Variants in NLRP2 observed in about 807,000 individuals in gnomAD.
NLRP2 encodes the protein NLR family pyrin domain containing 2.
A neutral mutation model predicts 97.2 loss-of-function variants in NLRP2; 107 were observed. That is an observed-to-expected ratio of 1.10 (90% CI 0.94 to 1.29). The LOEUF is 1.29. NLRP2 is among the 50% of genes most tolerant of loss of function. The pLI is 0.00. For missense variants in NLRP2, 1,495 were observed against 1,330.3 expected (o/e 1.12, Z -1.93); for synonymous variants, 663 against 551.5 (o/e 1.20, Z -2.83).
chr19:54,997,203 C>A, intron 11 of NLRP2, 114 bp from the exon 12 acceptor site: 1 of 1,103,688 alleles, frequency 9.1e-7, no homozygotes, highest in Non-Finnish European at 1.4e-6. Flanking sequence ...CCGTGCCCGG[C>A]CTGAGACTTC....
chr19:54,994,551 T>C (rs1415678700), intron 11 of NLRP2, 112 bp downstream of exon 11: 4 of 1,088,756 alleles, frequency 3.7e-6, no homozygotes, highest in Non-Finnish European at 4.2e-6. Context: ...AGAGGACCTT[T>C]ATAGAGTCGA....
At chr19:54,980,093 A>G (rs187448863) in intron 4 of NLRP2, among the ~76,000 whole-genome samples, 4 of 151,176 alleles carry the variant, frequency 2.6e-5, no homozygotes, top group Non-Finnish European at 4.4e-5. Context: ...AATCTTGACA[A>G]AGAATTTCGG....
chr19:55,000,427 C>A (rs1421164187), intron 12 of NLRP2, among the ~76,000 whole-genome samples: 1 of 150,738 alleles, frequency 6.6e-6, no homozygotes, highest in Non-Finnish European at 1.5e-5. Flanking sequence ...CAGGCGTCCG[C>A]CACCACGCCC....
rs1469320123 is a variant in NLRP2, at chr19:54,977,823, G to A, written c.397G>A (p.Ala133Thr). The A allele has an allele frequency of 1.2e-6, 2 of 1,613,450 alleles. No homozygotes were observed. The highest frequency in any genetic ancestry group is 2.7e-5 in the African/African-American group (2 of 74,886). The change falls in exon 4 of 13, where the codon GCG becomes ACG. Residue 133 changes from alanine (A) to threonine (T), a missense_variant and splice_region_variant. By Grantham distance (58) the Ala-to-Thr change is moderately conservative. Transcript: ENST00000448584. ...GGAGCGCTTCAAAACAGAAGCACAAGGTGGGTGTCAGGACCTCCAATGTTG... is the reference window on the plus strand; with the variant it reads ...GGAGCGCTTCAAAACAGAAGCACAAAGTGGGTGTCAGGACCTCCAATGTTG... The part of the protein sequence containing the change: ...MLERFKTEAQ[A>T]FTETKGNVIC...
intron 11 of NLRP2, among the ~76,000 whole-genome samples, 190 bp downstream of exon 11, chr19:54,994,629 T>TC (rs2072706024): frequency 1.3e-5 from 2 of 151,912 alleles, no homozygotes; most frequent in Admixed American, 1.3e-4. Flanking sequence ...TTTTTTTTTT[T>TC]CTTGAAGTTT....
chr19:54,994,313 C>G lies in NLRP2; in HGVS notation c.2753C>G (p.Thr918Arg), dbSNP rs768542757. The G allele has an allele frequency of 3.1e-6, 5 of 1,614,152 alleles. No homozygotes were observed. In the Admixed American group the frequency reaches 6.7e-5, roughly 22 times the overall value. Residue 918 changes from threonine to arginine, a missense_variant, in exon 11 of 13, where the codon ACA becomes AGA. Transcript: ENST00000448584. Reference sequence around the variant, plus strand: ...ACTAGCGATGGCTGCTGCGATCTCACAAAGCTTCTCCAAGAAAAATCAAGC... The same window carrying G: ...ACTAGCGATGGCTGCTGCGATCTCAGAAAGCTTCTCCAAGAAAAATCAAGC... ...DITSDGCCDL[T>R]KLLQEKSSLL...
intron 1 of NLRP2, among the ~76,000 whole-genome samples, chr19:54,968,359 T>G (rs1425647252): frequency 6.6e-6 from 1 of 151,616 alleles, no homozygotes; most frequent in African/African-American, 2.4e-5. Flanking sequence ...TGTTTTTGTT[T>G]GTTTTACCAG....
chr19:54,987,545 C>T (rs533771999), intron 8 of NLRP2, among the ~76,000 whole-genome samples: 15 of 152,128 alleles, frequency 9.9e-5, no homozygotes, highest in Non-Finnish European at 1.5e-4. Flanking sequence ...AGTTCAAGAC[C>T]GGCCTGGTCA....
At chr19:54,969,884 TGAA>T in intron 1 of NLRP2, 112 bp from the exon 2 acceptor site, 1 of 1,053,590 alleles carries the variant, frequency 9.5e-7, no homozygotes, top group Non-Finnish European at 1.4e-6. Context: ...AGTTTGTTCT[TGAA>T]GAAGCAGGGT....
intron 5 of NLRP2, 107 bp from the exon 6 acceptor site, chr19:54,982,055 G>A: frequency 7.0e-7 from 1 of 1,418,546 alleles, no homozygotes; most frequent in Non-Finnish European, 9.9e-7. Context: ...TGGGATTACA[G>A]GCATGAGCCA....
chr19:54,987,984 C>CA (rs1568516889), intron 8 of NLRP2, among the ~76,000 whole-genome samples: 1 of 152,112 alleles, frequency 6.6e-6, no homozygotes, highest in African/African-American at 2.4e-5. Context: ...GCAGAGGTAG[C>CA]AGTGAGCCAA....
rs1225899116 is a variant in NLRP2 at position 54,990,027 on chromosome 19, T to C, written c.2372T>C (p.Val791Ala). The C allele has an allele frequency of 9.9e-6, 16 of 1,612,442 alleles. No homozygotes were observed. Among genetic ancestry groups the C allele is most frequent in the Non-Finnish European group, 1.2e-5 (14 of 1,179,734 alleles). ...PECNLRYLGL[V>A]SCSATTQQWA... ...TGGTCCTATTTCTCCCACAGGTTGGTGTCTTGTTCCGCTACCACTCAGCAG... is the reference window on the plus strand; with the variant it reads ...TGGTCCTATTTCTCCCACAGGTTGGCGTCTTGTTCCGCTACCACTCAGCAG... The change falls in exon 9 of 13, where the codon GTG becomes GCG. Residue 791 changes from valine to alanine, a missense_variant. Coordinates refer to ENST00000448584, the MANE Select transcript of NLRP2 (RefSeq NM_017852.5).
rs1448045644 is a variant in NLRP2, at chr19:54,990,911, C to T, written c.2708+239C>T. On this transcript the variant is annotated intron_variant, in intron 10 of 12. Coordinates refer to ENST00000448584, the MANE Select transcript of NLRP2 (RefSeq NM_017852.5). ...TAGCTGGTTTTCGGGTTTTTTTTTT[C>T]CTCTTTATGTATGTATGTATTTTAG... 2.6e-5 allele frequency: 14 copies of T among 529,824 alleles called. No individual in the cohort carries two copies. In the East Asian group the frequency reaches 3.8e-4, roughly 14 times the overall value. 32.8% of individuals were successfully genotyped at this position (529,824 alleles called of 1,614,324 possible).
At chr19:54,967,058 G>A (rs184511778) in intron 1 of NLRP2, among the ~76,000 whole-genome samples, 3 of 151,266 alleles carry the variant, frequency 2.0e-5, no homozygotes, top group African/African-American at 7.3e-5. Context: ...CTAGATGTAG[G>A]GTCTTAATAT....
In NLRP2 at chr19:54,997,574, T is replaced by A. The variant is rs183617597; in HGVS notation, c.3050+87T>A. 6 of 1,356,592 alleles carry A rather than the reference T, an allele frequency of 4.4e-6. No homozygotes were observed. The Admixed American group carries it at 1.0e-4, about 23-fold the overall frequency. The allele number at this position is 1,356,592 out of a possible 1,614,324, so 84.0% of individuals were successfully genotyped here. ...ATGACATGGACCTGCTGTAGGAGACTGATCTGGTAGCTGGATTACAGGTTC... is the reference window on the plus strand; with the variant it reads ...ATGACATGGACCTGCTGTAGGAGACAGATCTGGTAGCTGGATTACAGGTTC... On this transcript the variant is annotated intron_variant, in intron 12 of 12. Coordinates refer to ENST00000448584, the MANE Select transcript of NLRP2 (RefSeq NM_017852.5).
chr19:54,994,259 T>TG lies in NLRP2; in HGVS notation c.2709-9dup, dbSNP rs2072671314. On this transcript the variant is annotated splice_polypyrimidine_tract_variant and intron_variant, in intron 10 of 12. Coordinates refer to ENST00000448584, the MANE Select transcript of NLRP2 (RefSeq NM_017852.5). ...TTCGGGTTTGCTTTCTTCCTGTGGT[T>TG]GATTTCTAGGCTTTGGAACTGCGAC... 6.2e-7 allele frequency: 1 copy of TG among 1,613,948 alleles called. No homozygotes were observed. The highest frequency in any genetic ancestry group is 1.3e-5 in the African/African-American group (1 of 74,938).
rs375615677 is a variant in NLRP2, at chr19:54,997,336, C to G, written c.2899C>G (p.Pro967Ala). ...RCLWLWGCSI[P>A]PFSCEDLCSA... ...CCCCAGGTTGTGGGGATGTTCCATC[C>G]CTCCGTTCAGTTGTGAAGACCTCTG... is the stretch of plus-strand genomic sequence containing the variant. Residue 967 changes from proline (P) to alanine (A), a missense_variant, in exon 12 of 13, where the codon CCT becomes GCT. By Grantham distance (27) the Pro-to-Ala change is conservative. Transcript: ENST00000448584. The G allele has an allele frequency of 3.7e-6, 6 of 1,613,804 alleles. No individual in the cohort carries two copies. In the South Asian group the frequency reaches 6.6e-5, roughly 18 times the overall value.
At chr19:54,986,360 C>T (rs1382014736) in intron 8 of NLRP2, 45 bp downstream of exon 8, 41 of 1,562,624 alleles carry the variant, frequency 2.6e-5, no homozygotes, top group Non-Finnish European at 3.6e-5. Flanking sequence ...CAAACATAAG[C>T]TACCACAAGC....
intron 1 of NLRP2, among the ~76,000 whole-genome samples, chr19:54,967,480 C>CA (rs2070532882): frequency 6.6e-6 from 1 of 151,922 alleles, no homozygotes; most frequent in Non-Finnish European, 1.5e-5. Flanking sequence ...GAAACTGTCT[C>CA]AAAAAATAAA....
Sources: allele counts gnomAD v4.1 joint callset (sites outside exome capture counted in the v4.1 genomes callset), GRCh38; gene constraint gnomAD v4.1.1; transcripts MANE v1.5; gene names NCBI Gene and HGNC (gene_info 2026-07-23, HGNC 2026-07-21).